Variants in FBXL7 observed in about 807,000 individuals in gnomAD.
FBXL7 encodes the protein F-box/LRR-repeat protein 7.
FBXL7 carries 12 observed loss-of-function variants against 38.3 expected under a neutral mutation model. The observed-to-expected ratio is 0.31, with a 90% CI of 0.20 to 0.51. The LOEUF (loss-of-function observed/expected upper bound fraction) is 0.51. FBXL7 is among the 20% of genes least tolerant of loss of function. FBXL7 has a pLI of 0.98. For missense variants in FBXL7, 567 were observed against 676.4 expected (o/e 0.84, Z 1.79); for synonymous variants, 297 against 300.9 (o/e 0.99, Z 0.13).
rs1310151750 is a variant in FBXL7, at chr5:15,928,766, GGTTA to G, written c.739+270_739+273del. On this transcript the variant is annotated intron_variant, in intron 3 of 3. Transcript: ENST00000504595. The surrounding 1 kb of genome is among the most constrained non-coding windows in gnomAD (Gnocchi z 4.0). ...TTAGGGTACATGTGCACAACGTGCA[GGTTA>G]GTTACATATGTATACATGTGCCATG... Among the ~76,000 whole-genome samples the G allele has an allele frequency of 3.3e-5, 5 of 152,140 alleles. No homozygotes were observed. The highest frequency in any genetic ancestry group is 1.2e-4 in the African/African-American group (5 of 41,430).
chr5:15,858,928 C>T (rs192104536), intron 2 of FBXL7, among the ~76,000 whole-genome samples: 2 of 152,212 alleles, frequency 1.3e-5, no homozygotes, highest in South Asian at 2.1e-4. Context: ...GGTCTGGAAA[C>T]AATTCTACTT....
intron 1 of FBXL7, among the ~76,000 whole-genome samples, chr5:15,549,637 T>C (rs933812329): frequency 6.6e-6 from 1 of 152,200 alleles, no homozygotes; most frequent in Non-Finnish European, 1.5e-5. Context: ...TGTAGTCAAT[T>C]ATTATTGTAT....
intron 2 of FBXL7, among the ~76,000 whole-genome samples, chr5:15,851,012 C>T (rs1227506411): frequency 6.6e-6 from 1 of 152,208 alleles, no homozygotes; most frequent in African/African-American, 2.4e-5. Flanking sequence ...TCCAGACAGG[C>T]TCAGCTGAGT....
At chr5:15,668,364 GTGTT>G (rs980492263) in intron 2 of FBXL7, among the ~76,000 whole-genome samples, 31 of 127,678 alleles carry the variant, frequency 2.4e-4, no homozygotes, top group Non-Finnish European at 4.3e-4. Context: ...CTTTATATTT[GTGTT>G]TGTGTGTGTG....
intron 1 of FBXL7, among the ~76,000 whole-genome samples, chr5:15,612,872 T>G (rs1229329786): frequency 6.6e-6 from 1 of 152,208 alleles, no homozygotes; most frequent in East Asian, 1.9e-4. Flanking sequence ...GCTTTAGCAG[T>G]GAGTACTGTA....
intron 1 of FBXL7, among the ~76,000 whole-genome samples, chr5:15,544,834 G>A (rs1441073091): frequency 6.6e-6 from 1 of 152,152 alleles, no homozygotes. Context: ...CATGAATTAT[G>A]TGAATTGCAT....
chr5:15,530,881 G>C, intron 1 of FBXL7, among the ~76,000 whole-genome samples: 1 of 152,206 alleles, frequency 6.6e-6, no homozygotes, highest in Non-Finnish European at 1.5e-5. Flanking sequence ...ATGCAGCCAT[G>C]TAACACCCGT....
At chr5:15,631,667 CAAAAAAAAAAAAAAA>C (rs754975686) in intron 2 of FBXL7, among the ~76,000 whole-genome samples, 41 of 43,928 alleles carry the variant, frequency 9.3e-4, no homozygotes, top group African/African-American at 2.9e-3. Context: ...AGCGAGACTC[CAAAAAAAAAAAAAAA>C]AAAAAAAAAA....
intron 2 of FBXL7, among the ~76,000 whole-genome samples, chr5:15,872,081 C>T (rs965955022): frequency 7.9e-5 from 12 of 152,126 alleles, no homozygotes; most frequent in Non-Finnish European, 1.6e-4. Context: ...AGACTAAGAG[C>T]GGATCTCTCT....
chr5:15,507,650 G>T (rs1180965697), intron 1 of FBXL7, among the ~76,000 whole-genome samples: 7 of 152,186 alleles, frequency 4.6e-5, no homozygotes, highest in African/African-American at 9.7e-5. Flanking sequence ...AAAATCTAGA[G>T]TGAATAAATT....
At chr5:15,770,569 A>G (rs1447081545) in intron 2 of FBXL7, among the ~76,000 whole-genome samples, 1 of 152,194 alleles carries the variant, frequency 6.6e-6, no homozygotes, top group African/African-American at 2.4e-5. Context: ...TACTACCTCC[A>G]GACTTTTTCA....
intron 2 of FBXL7, among the ~76,000 whole-genome samples, chr5:15,896,549 A>C (rs1037164121): frequency 7.9e-5 from 12 of 152,206 alleles, no homozygotes; most frequent in African/African-American, 2.9e-4. Context: ...ATGTGCCACC[A>C]GTTCTCCAGC....
intron 2 of FBXL7, among the ~76,000 whole-genome samples, chr5:15,868,100 C>T (rs1292146018): frequency 4.8e-5 from 6 of 124,888 alleles, no homozygotes; most frequent in African/African-American, 2.0e-4. Flanking sequence ...AAGACTCCGT[C>T]TCAAAAAAAA....
chr5:15,540,473 A>G (rs928363822), intron 1 of FBXL7, among the ~76,000 whole-genome samples: 7 of 152,066 alleles, frequency 4.6e-5, no homozygotes, highest in African/African-American at 1.4e-4. Flanking sequence ...TCTCCTACCA[A>G]TGAGGCCAGC....
rs867285632 is a variant in FBXL7, at chr5:15,754,655, G to C, written c.127+138583G>C. Among the ~76,000 whole-genome samples the C allele has an allele frequency of 3.9e-5, 6 of 152,178 alleles. No homozygotes were observed. The South Asian group carries it at 1.0e-3, about 26-fold the overall frequency. On this transcript the variant is annotated intron_variant, in intron 2 of 3. Coordinates refer to ENST00000504595, the MANE Select transcript of FBXL7 (RefSeq NM_012304.5). The stretch of plus-strand genomic sequence containing the variant: ...ATGAGAAAACTGTACTATTCTAAAA[G>C]TAAAATGAAATTAAATAGGCTCTAG...
At chr5:15,787,494 T>C (rs1421109400) in intron 2 of FBXL7, among the ~76,000 whole-genome samples, 1 of 152,092 alleles carries the variant, frequency 6.6e-6, no homozygotes, top group Non-Finnish European at 1.5e-5. Flanking sequence ...AGGGATACTA[T>C]TGGAGTGAAT....
chr5:15,625,523 A>G (rs961231583), intron 2 of FBXL7, among the ~76,000 whole-genome samples: 3 of 152,118 alleles, frequency 2.0e-5, no homozygotes, highest in Non-Finnish European at 4.4e-5. Context: ...GTGTAGTGGC[A>G]TGCATCTGTA....
intron 1 of FBXL7, among the ~76,000 whole-genome samples, chr5:15,533,683 T>C (rs1737492807): frequency 6.6e-6 from 1 of 152,152 alleles, no homozygotes; most frequent in Non-Finnish European, 1.5e-5. Flanking sequence ...TGTGCCAGTA[T>C]TGTATAAGAT....
intron 2 of FBXL7, among the ~76,000 whole-genome samples, chr5:15,722,346 C>A (rs1183231227): frequency 2.0e-5 from 3 of 152,172 alleles, no homozygotes; most frequent in Non-Finnish European, 4.4e-5. Flanking sequence ...CCTATATTGT[C>A]CTATACTGAC....
Sources: gnomAD v4.1 joint callset for allele counts (sites outside exome capture counted in the v4.1 genomes callset) on GRCh38, gnomAD v4.1.1 for gene constraint, Gnocchi (gnomAD v3.1) non-coding constraint, MANE v1.5 for transcripts, NCBI Gene and HGNC (gene_info 2026-07-23, HGNC 2026-07-21) for gene names.